Variants in LY96 observed in about 807,000 individuals in gnomAD.
The protein encoded by LY96 is lymphocyte antigen 96.
LY96 carries 18 observed loss-of-function variants against 18.9 expected under a neutral mutation model. That is an observed-to-expected ratio of 0.95 (90% CI 0.66 to 1.41). The LOEUF (loss-of-function observed/expected upper bound fraction) is 1.41, where lower values mean the gene tolerates loss of function less well. LY96 is among the 40% of genes most tolerant of loss of function. The pLI, the probability that LY96 is intolerant of heterozygous loss-of-function variation, is 0.00. For synonymous variants in LY96, 66 were observed against 62.6 expected (o/e 1.06, Z -0.26); for missense variants, 175 against 182.4 (o/e 0.96, Z 0.23).
chr8:74,081,032 T>TC, the LY96 span, among the ~76,000 whole-genome samples: 167 of 126,972 alleles, frequency 1.3e-3, no homozygotes, highest in East Asian at 9.9e-3. Context: ...CTTTCTTTCT[T>TC]TCTTTCTTTC....
the LY96 span, among the ~76,000 whole-genome samples, chr8:74,035,440 C>G: frequency 6.6e-6 from 1 of 152,170 alleles, no homozygotes; most frequent in Non-Finnish European, 1.5e-5. Context: ...GATGTTGCCT[C>G]TGGCAAATCT....
chr8:74,045,105 T>C, the LY96 span, among the ~76,000 whole-genome samples: 2 of 152,224 alleles, frequency 1.3e-5, no homozygotes, highest in South Asian at 2.1e-4. Context: ...CCAGAATAGA[T>C]AATATTCTCC....
At chr8:74,030,943 T>C (rs1816960286), downstream of LY96, among the ~76,000 whole-genome samples, 1 of 152,178 alleles carries the variant, frequency 6.6e-6, no homozygotes, top group Admixed American at 6.5e-5. Context: ...CGAGTACCCA[T>C]GGGTTGTTGG....
At chr8:74,045,576 A>T in the LY96 span, among the ~76,000 whole-genome samples, 9 of 152,226 alleles carry the variant, frequency 5.9e-5, no homozygotes, top group Non-Finnish European at 1.5e-5. Context: ...TTAAACTGGG[A>T]TTACTTAAGG....
the LY96 span, among the ~76,000 whole-genome samples, chr8:74,076,605 G>A: frequency 7.9e-3 from 1,199 of 151,944 alleles, 17 homozygotes; most frequent in African/African-American, 0.026. Flanking sequence ...GGTTACAGGC[G>A]TAAGTCACTG....
At chr8:74,017,178 C>T (rs1361203282) in intron 3 of LY96, among the ~76,000 whole-genome samples, 1 of 152,100 alleles carries the variant, frequency 6.6e-6, no homozygotes, top group Non-Finnish European at 1.5e-5. Context: ...GAATGGCTAA[C>T]TAGAATAAAC....
intron 1 of LY96, among the ~76,000 whole-genome samples, chr8:73,993,060 A>G (rs1259331574): frequency 2.0e-5 from 3 of 149,522 alleles, no homozygotes; most frequent in Admixed American, 1.3e-4. Flanking sequence ...ACAGGGTTTC[A>G]TCATGTTGAC....
At chr8:74,068,081 A>ATATATATATATATATATATATATAT in the LY96 span, among the ~76,000 whole-genome samples, 14 of 95,368 alleles carry the variant, frequency 1.5e-4, no homozygotes, top group East Asian at 4.5e-4. Flanking sequence ...AAAAAAAAAA[A>ATATATATATATATATATATATATAT]AAAAAAAAAT....
chr8:74,066,799 C>T, the LY96 span, among the ~76,000 whole-genome samples: 1 of 152,168 alleles, frequency 6.6e-6, no homozygotes, highest in African/African-American at 2.4e-5. Context: ...TCAGTCTAAA[C>T]AGAGGGAGAT....
At chr8:74,060,848 C>T in the LY96 span, among the ~76,000 whole-genome samples, 2 of 152,202 alleles carry the variant, frequency 1.3e-5, no homozygotes, top group South Asian at 2.1e-4. Flanking sequence ...TCCAGGCCCA[C>T]GTGGTCCTTC....
the LY96 span, among the ~76,000 whole-genome samples, chr8:74,066,750 G>T: frequency 6.6e-6 from 1 of 152,178 alleles, no homozygotes; most frequent in East Asian, 1.9e-4. Flanking sequence ...GAGACTGGAG[G>T]CAGGTGGACC....
At chr8:74,049,975 A>G in the LY96 span, among the ~76,000 whole-genome samples, 1 of 152,148 alleles carries the variant, frequency 6.6e-6, no homozygotes, top group Non-Finnish European at 1.5e-5. Flanking sequence ...CTGTAATTGC[A>G]CCACTGAACT....
intron 3 of LY96, among the ~76,000 whole-genome samples, chr8:74,012,763 T>C (rs1000797077): frequency 6.6e-6 from 1 of 152,136 alleles, no homozygotes; most frequent in Admixed American, 6.5e-5. Context: ...AAATTGATTA[T>C]AGGTATGAGC....
the LY96 span, among the ~76,000 whole-genome samples, chr8:74,043,935 G>A: frequency 6.6e-6 from 1 of 152,162 alleles, no homozygotes; most frequent in Non-Finnish European, 1.5e-5. Context: ...ACAGGCTCAA[G>A]CGATCTTCCC....
At chr8:74,050,202 G>A in the LY96 span, among the ~76,000 whole-genome samples, 3 of 151,896 alleles carry the variant, frequency 2.0e-5, no homozygotes, top group Non-Finnish European at 4.4e-5. Flanking sequence ...AATTAGGTGG[G>A]CCTGGTGATG....
the LY96 span, among the ~76,000 whole-genome samples, chr8:74,047,972 C>T: frequency 3.3e-5 from 5 of 152,114 alleles, no homozygotes; most frequent in Non-Finnish European, 5.9e-5. Flanking sequence ...GCTTACAGCT[C>T]ACTGCAGCTT....
chr8:74,031,203 C>A (rs1816963873), downstream of LY96, among the ~76,000 whole-genome samples: 1 of 152,196 alleles, frequency 6.6e-6, no homozygotes, highest in Non-Finnish European at 1.5e-5. Context: ...TGTATGAAAT[C>A]CGGAGTATAT....
chr8:74,010,213 G>A (rs1482400041), intron 3 of LY96, 84 bp downstream of exon 3: 1 of 1,322,386 alleles, frequency 7.6e-7, no homozygotes, highest in African/African-American at 1.5e-5. Flanking sequence ...TTGAAAATGG[G>A]AAGTTCCTTT....
At chr8:74,078,048 C>T in the LY96 span, among the ~76,000 whole-genome samples, 4 of 150,458 alleles carry the variant, frequency 2.7e-5, no homozygotes, top group East Asian at 3.9e-4. Context: ...TTTGAGGCTG[C>T]GATGAGCAGG....
Sources: gnomAD v4.1 joint callset for allele counts (sites outside exome capture counted in the v4.1 genomes callset) on GRCh38, gnomAD v4.1.1 for gene constraint, MANE v1.5 for transcripts, NCBI Gene and HGNC (gene_info 2026-07-23, HGNC 2026-07-21) for gene names.